The following PCDHGC4 variants were observed in gnomAD, a reference collection of about 807,000 sequenced individuals.
PCDHGC4 encodes the protein protocadherin gamma-C4.
In PCDHGC4, 15 loss-of-function variants were observed where a neutral mutation model predicts 59.7. The ratio of observed to expected loss-of-function variants is 0.25; its 90% confidence interval spans 0.17 to 0.39. The LOEUF (loss-of-function observed/expected upper bound fraction) is 0.39, where lower values mean the gene tolerates loss of function less well. Among genes scored for constraint, PCDHGC4 ranks in the 10% least tolerant of loss-of-function variants. The pLI, the probability that PCDHGC4 is intolerant of heterozygous loss-of-function variation, is 1.00. For synonymous variants in PCDHGC4, 434 were observed against 481.4 expected (o/e 0.90, Z 1.29); for missense variants, 1,016 against 1,189.5 (o/e 0.85, Z 2.15).
At chr5:141,506,597 C>T (rs937487600) in intron 3 of PCDHGC4, among the ~76,000 whole-genome samples, 4 of 152,150 alleles carry the variant, frequency 2.6e-5, no homozygotes, top group Admixed American at 6.5e-5. Context: ...ACAGTATTAA[C>T]GGATCTCATT....
At chr5:141,510,824 A>G (rs947400590) in intron 3 of PCDHGC4, 123 bp from the exon 4 acceptor site, 2 of 1,563,416 alleles carry the variant, frequency 1.3e-6, no homozygotes, top group Non-Finnish European at 1.7e-6. Flanking sequence ...CTATATTCCC[A>G]GTGCTCAGCG....
chr5:141,509,787 TCTC>T (rs2099878266), intron 3 of PCDHGC4, among the ~76,000 whole-genome samples: 1 of 152,132 alleles, frequency 6.6e-6, no homozygotes, highest in Non-Finnish European at 1.5e-5. Context: ...GAGATCATCA[TCTC>T]CTCAGCTTCA....
chr5:141,489,800 A>G lies in PCDHGC4; in HGVS notation c.2442+2185A>G. 6.2e-7 allele frequency: 1 copy of G among 1,614,166 alleles called. No homozygotes were observed. Among genetic ancestry groups the G allele is most frequent in the Non-Finnish European group, 8.5e-7 (1 of 1,179,994 alleles). On this transcript the variant is annotated intron_variant, in intron 1 of 3. Coordinates refer to ENST00000306593, the MANE Select transcript of PCDHGC4 (RefSeq NM_018928.3). This position sits in a 1 kb window ranked among gnomAD's most constrained non-coding sequence, Gnocchi z 4.5. ...TCTCTGAATGTGAAGACCCTAAAAG[A>G]TGGGAAGCCATTCCCAGAGCTGGTG...
chr5:141,509,810 G>T (rs1272295976), intron 3 of PCDHGC4, among the ~76,000 whole-genome samples: 1 of 152,154 alleles, frequency 6.6e-6, no homozygotes, highest in East Asian at 1.9e-4. Flanking sequence ...ATAGAGCCGA[G>T]CTCTTCTCCA....
At position 141,512,967 on chromosome 5, in the gene PCDHGC4, T is replaced by C. The variant is rs2099884538; in HGVS notation, c.*1794T>C. ...CGACAAAAAAATAATAAAACGTTTC[T>C]TCTGAAAAGCTGAACGTTTCTGTAT... On this transcript the variant is annotated 3_prime_UTR_variant, in exon 4 of 4. Transcript: ENST00000306593. The C allele has an allele frequency of 6.6e-6, 1 of 152,260 alleles. No individual in the cohort carries two copies. Among genetic ancestry groups the C allele is most frequent in the South Asian group, 2.1e-4 (1 of 4,832 alleles). The allele number at this position is 152,260 out of a possible 1,614,324, so 9.4% of individuals were successfully genotyped here.
Position 141,490,909 on chromosome 5 carries a change from G to T in PCDHGC4, c.2442+3294G>T. 4 of 1,613,744 alleles carry T rather than the reference G, an allele frequency of 2.5e-6. No individual in the cohort carries two copies. Among genetic ancestry groups the T allele is most frequent in the Non-Finnish European group, 3.4e-6 (4 of 1,179,762 alleles). ...ATCTCTGCATGTGTTTGTCCTAGAC[G>T]AGAATGATAATGCCCCAGCTGTGCT... On this transcript the variant is annotated intron_variant, in intron 1 of 3. Transcript: ENST00000306593. The surrounding 1 kb of genome is among the most constrained non-coding windows in gnomAD (Gnocchi z 5.4).
rs924491576 is a variant in PCDHGC4, at chr5:141,491,579, C to T, written c.2443-3228C>T. On this transcript the variant is annotated intron_variant, in intron 1 of 3. Coordinates refer to ENST00000306593, the MANE Select transcript of PCDHGC4 (RefSeq NM_018928.3). This position sits in a 1 kb window ranked among gnomAD's most constrained non-coding sequence, Gnocchi z 6.9. ...CACTGCTACAGGACGTGCTTTTCAC[C>T]GGCCTCGGACGGCAGTGACTTCACT... is the stretch of plus-strand genomic sequence containing the variant. 18 of 1,613,810 alleles carry T rather than the reference C, an allele frequency of 1.1e-5. No homozygotes were observed. Among genetic ancestry groups the T allele is most frequent in the Non-Finnish European group, 1.4e-5 (17 of 1,180,044 alleles).
Position 141,485,627 on chromosome 5 carries a change from T to C in PCDHGC4, c.454T>C (p.Phe152Leu). 3 of 1,612,072 alleles carry C rather than the reference T, an allele frequency of 1.9e-6. No individual in the cohort carries two copies. Among genetic ancestry groups the C allele is most frequent in the Non-Finnish European group, 2.5e-6 (3 of 1,178,530 alleles). The change falls in exon 1 of 4, where the codon TTC becomes CTC. Residue 152 changes from phenylalanine (F) to leucine (L), a missense_variant. Transcript: ENST00000306593. This position sits in a 1 kb window ranked among gnomAD's most constrained non-coding sequence, Gnocchi z 5.7. ...GGAGGCAGCTCCTCCAGGACAGCGT[T>C]TCCCGTTGGAAAAGGCTCAGGATGC... ...IGEAAPPGQR[F>L]PLEKAQDADV...
chr5:141,499,565 C>T (rs1291006795), intron 2 of PCDHGC4, among the ~76,000 whole-genome samples: 1 of 152,168 alleles, frequency 6.6e-6, no homozygotes, highest in East Asian at 1.9e-4. Flanking sequence ...CACTATCCAG[C>T]TTCAACTAAT....
Position 141,485,784 on chromosome 5 carries a change from A to G in PCDHGC4, c.611A>G (p.Lys204Arg), listed in dbSNP as rs760859851. The G allele has an allele frequency of 1.9e-6, 3 of 1,614,096 alleles. No individual in the cohort carries two copies. The African/African-American group carries it at 4.0e-5, about 22-fold the overall frequency. The change falls in exon 1 of 4, where the codon AAG (lysine) becomes AGG (arginine). Residue 204 changes from lysine to arginine, a missense_variant. Transcript: ENST00000306593. This position sits in a 1 kb window ranked among gnomAD's most constrained non-coding sequence, Gnocchi z 5.7. ...LLLEKPLDRE[K>R]QSDYRLVLTA... Reference sequence around the variant, plus strand: ...CTGGAGAAGCCTTTGGATCGAGAGAAGCAATCGGACTACCGCCTGGTGCTG... The same window carrying G: ...CTGGAGAAGCCTTTGGATCGAGAGAGGCAATCGGACTACCGCCTGGTGCTG...
intron 2 of PCDHGC4, among the ~76,000 whole-genome samples, chr5:141,501,907 G>T (rs4912761): frequency 0.59 from 89,145 of 151,782 alleles, 27,774 homozygotes; most frequent in African/African-American, 0.8. Context: ...CAACCCCACT[G>T]TTCCACTCAG....
rs913767837 is a variant in PCDHGC4, at chr5:141,491,909, C to T, written c.2443-2898C>T. 8.5e-6 allele frequency: 12 copies of T among 1,403,834 alleles called. No individual in the cohort carries two copies. Among genetic ancestry groups the T allele is most frequent in the Non-Finnish European group, 1.1e-5 (12 of 1,057,326 alleles). 87.0% of individuals were successfully genotyped at this position (1,403,834 alleles called of 1,614,324 possible). A position where few individuals can be genotyped will look rare whatever the true frequency, so the allele number is the denominator to read the frequency against. Reference sequence around the variant, plus strand: ...GGGCTCCGAGCACCGGGGGTGGTGGCGACTGTGGGCGAGGGGAGGTGGGAC... The same window carrying T: ...GGGCTCCGAGCACCGGGGGTGGTGGTGACTGTGGGCGAGGGGAGGTGGGAC... On this transcript the variant is annotated intron_variant, in intron 1 of 3. Transcript: ENST00000306593. The surrounding 1 kb of genome is among the most constrained non-coding windows in gnomAD (Gnocchi z 6.9).
chr5:141,487,312 TAA>T lies in PCDHGC4; in HGVS notation c.2140_2141del (p.Lys714ValfsTer44), dbSNP rs1464336630. ...TTGGCTCATTCGTGGCACTACTCTC[TAA>T]GTGTCTTCGTGGGGCAGCCTGTGGA... ...SFGSFVALLS[K>X]CLRGAACGVT... On this transcript the variant is annotated frameshift_variant, in exon 1 of 4. Transcript: ENST00000306593. LOFTEE classifies it high-confidence loss of function. The surrounding 1 kb of genome is among the most constrained non-coding windows in gnomAD (Gnocchi z 5.0). 1 of 1,614,158 alleles carries T rather than the reference TAA, an allele frequency of 6.2e-7. No homozygotes were observed. Among genetic ancestry groups the T allele is most frequent in the African/African-American group, 1.3e-5 (1 of 75,056 alleles).
Position 141,490,151 on chromosome 5 carries a change from T to A in PCDHGC4, c.2442+2536T>A, listed in dbSNP as rs1449636059. 6.2e-6 allele frequency: 10 copies of A among 1,614,210 alleles called. No homozygotes were observed. The highest frequency in any genetic ancestry group is 8.5e-6 in the Non-Finnish European group (10 of 1,180,018). On this transcript the variant is annotated intron_variant, in intron 1 of 3. Transcript: ENST00000306593. This position sits in a 1 kb window ranked among gnomAD's most constrained non-coding sequence, Gnocchi z 5.4. ...GACCCTAGCAGTGGGGCAATCCATG[T>A]GTTGGGTCCCATAGACTTTGAGGAG... is the stretch of plus-strand genomic sequence containing the variant.
At position 141,487,385 on chromosome 5, in the gene PCDHGC4, CGAA is replaced by C; in HGVS notation, c.2214_2216del (p.Arg740del). 6.2e-7 allele frequency: 1 copy of C among 1,614,160 alleles called. No individual in the cohort carries two copies. The highest frequency in any genetic ancestry group is 8.5e-7 in the Non-Finnish European group (1 of 1,180,046). On this transcript the variant is annotated inframe_deletion, in exon 1 of 4. Coordinates refer to ENST00000306593, the MANE Select transcript of PCDHGC4 (RefSeq NM_018928.3). The surrounding 1 kb of genome is among the most constrained non-coding windows in gnomAD (Gnocchi z 5.0). ...CACCTGTGCCTGTCTCACCAGATCTCGAAGGAGGGAGGGGCTTCCCCCTTCCAA... is the reference window on the plus strand; with the variant it reads ...CACCTGTGCCTGTCTCACCAGATCTCGGAGGGAGGGGCTTCCCCCTTCCAA...
chr5:141,510,083 G>A (rs2099879432), intron 3 of PCDHGC4, among the ~76,000 whole-genome samples: 1 of 152,104 alleles, frequency 6.6e-6, no homozygotes, highest in Non-Finnish European at 1.5e-5. Flanking sequence ...CAGAGTGCCT[G>A]GCACACAGTA....
In PCDHGC4 at chr5:141,489,423, C is replaced by A. The variant is rs754178145; in HGVS notation, c.2442+1808C>A. 7.4e-6 allele frequency: 12 copies of A among 1,613,982 alleles called. No homozygotes were observed. Among genetic ancestry groups the A allele is most frequent in the Non-Finnish European group, 1.0e-5 (12 of 1,180,044 alleles). On this transcript the variant is annotated intron_variant, in intron 1 of 3. Transcript: ENST00000306593. The surrounding 1 kb of genome is among the most constrained non-coding windows in gnomAD (Gnocchi z 4.5). Reference sequence around the variant, plus strand: ...GCTTAAAGATGACAGATCTGTTGAGCCGGCGGCTGCAATTGGGCTCTGAGG... The same window carrying A: ...GCTTAAAGATGACAGATCTGTTGAGACGGCGGCTGCAATTGGGCTCTGAGG...
Position 141,511,040 on chromosome 5 carries a change from C to T in PCDHGC4, c.2684C>T (p.Pro895Leu), listed in dbSNP as rs770767470. The T allele has an allele frequency of 6.2e-7, 1 of 1,614,216 alleles. No individual in the cohort carries two copies. The highest frequency in any genetic ancestry group is 1.7e-5 in the Admixed American group (1 of 60,034). Reference protein sequence around the residue: ...YGPQFTLQHVPDYRQNVYIPG... With the variant: ...YGPQFTLQHVLDYRQNVYIPG... ...CCCCAGTTCACCCTGCAGCACGTGC[C>T]CGACTACCGCCAGAATGTCTACATC... Residue 895 changes from proline (P) to leucine (L), a missense_variant, in exon 4 of 4, where the codon CCC becomes CTC. Physicochemically the swap from Pro to Leu is moderately conservative, Grantham distance 98. Transcript: ENST00000306593.
chr5:141,507,287 C>G (rs79707942), intron 3 of PCDHGC4: 1 of 148,974 alleles, frequency 6.7e-6, no homozygotes, highest in East Asian at 1.9e-4. Context: ...AAGTCAGTCT[C>G]AAATGTTGCA....
Sources: gnomAD v4.1 joint callset for allele counts (sites outside exome capture counted in the v4.1 genomes callset) on GRCh38, gnomAD v4.1.1 for gene constraint, Gnocchi (gnomAD v3.1) non-coding constraint, MANE v1.5 for transcripts, NCBI Gene and HGNC (gene_info 2026-07-23, HGNC 2026-07-21) for gene names.